The following SLC24A3 variants were observed in gnomAD, a reference collection of about 807,000 sequenced individuals.
SLC24A3 encodes the protein sodium/potassium/calcium exchanger 3.
In SLC24A3, 28 loss-of-function variants were observed where a neutral mutation model predicts 75.8. The ratio of observed to expected loss-of-function variants is 0.37; its 90% confidence interval spans 0.27 to 0.51. The LOEUF (loss-of-function observed/expected upper bound fraction) is 0.51, where lower values mean the gene tolerates loss of function less well. Among genes scored for constraint, SLC24A3 ranks in the 20% least tolerant of loss-of-function variants. The pLI is 0.94. For synonymous variants in SLC24A3, 372 were observed against 334.1 expected, an observed-to-expected ratio of 1.11 and a Z score of -1.24; for missense variants, 663 against 847.8, an observed-to-expected ratio of 0.78 and a Z score of 2.71.
intron 2 of SLC24A3, among the ~76,000 whole-genome samples, chr20:19,388,636 C>G (rs186746025): frequency 1.3e-5 from 2 of 152,124 alleles, no homozygotes; most frequent in African/African-American, 4.8e-5. Flanking sequence ...GGTGTGAACC[C>G]GGGAGATGGA....
At chr20:19,627,980 G>A (rs1019106555) in intron 6 of SLC24A3, among the ~76,000 whole-genome samples, 2 of 151,760 alleles carry the variant, frequency 1.3e-5, no homozygotes, top group Non-Finnish European at 2.9e-5. Flanking sequence ...GGCAGACCAC[G>A]AGGACAAGAG....
At chr20:19,353,190 A>ATG (rs1358417665) in intron 2 of SLC24A3, among the ~76,000 whole-genome samples, 1 of 152,186 alleles carries the variant, frequency 6.6e-6, no homozygotes, top group Non-Finnish European at 1.5e-5. Context: ...ATTTTTCAGA[A>ATG]CACGTCTTCA....
At chr20:19,391,578 A>G (rs1185693242) in intron 2 of SLC24A3, among the ~76,000 whole-genome samples, 2 of 152,202 alleles carry the variant, frequency 1.3e-5, no homozygotes, top group Admixed American at 6.5e-5. Flanking sequence ...CCTGAATCAG[A>G]ACCTCTGGGG....
chr20:19,693,481 G>A (rs1450747382), intron 13 of SLC24A3, 56 bp downstream of exon 13: 1 of 1,584,348 alleles, frequency 6.3e-7, no homozygotes, highest in East Asian at 2.2e-5. Context: ...AATAAAGAAG[G>A]GAATAAGAGT....
chr20:19,392,992 A>G (rs559911427), intron 2 of SLC24A3, among the ~76,000 whole-genome samples: 61 of 152,250 alleles, frequency 4.0e-4, no homozygotes, highest in South Asian at 1.7e-3. Flanking sequence ...CTTCCTGTCT[A>G]TCTCTTATCT....
At chr20:19,449,549 GC>G (rs1987445861) in intron 2 of SLC24A3, among the ~76,000 whole-genome samples, 1 of 152,220 alleles carries the variant, frequency 6.6e-6, no homozygotes, top group Non-Finnish European at 1.5e-5. Context: ...ACAGTGCTCA[GC>G]CCAGTGGGAT....
At chr20:19,550,789 T>C (rs1403469110) in intron 3 of SLC24A3, among the ~76,000 whole-genome samples, 1 of 152,154 alleles carries the variant, frequency 6.6e-6, no homozygotes, top group Admixed American at 6.5e-5. Flanking sequence ...ATTGAAGAAA[T>C]GTAAAGCCAG....
At chr20:19,486,468 G>T (rs537606812) in intron 2 of SLC24A3, among the ~76,000 whole-genome samples, 2 of 152,160 alleles carry the variant, frequency 1.3e-5, no homozygotes, top group African/African-American at 4.8e-5. Flanking sequence ...GAAAATTTCC[G>T]AAAGAAAGTA....
intron 6 of SLC24A3, among the ~76,000 whole-genome samples, chr20:19,597,407 TAA>T (rs1026263177): frequency 2.0e-5 from 3 of 151,992 alleles, no homozygotes; most frequent in Admixed American, 6.6e-5. Flanking sequence ...ACCCCAAAAA[TAA>T]AATAAAATAT....
chr20:19,306,935 T>G (rs537032709), intron 2 of SLC24A3, among the ~76,000 whole-genome samples: 5 of 152,284 alleles, frequency 3.3e-5, no homozygotes, highest in African/African-American at 1.2e-4. Flanking sequence ...TTTCTGTCAG[T>G]AGAGGTTTAC....
chr20:19,721,419 A>C lies in SLC24A3; in HGVS notation c.*279A>C. The stretch of plus-strand genomic sequence containing the variant: ...GCTCCATTTTTGAACAGTGACTGAG[A>C]TTCTAGAAAAACTGGCTGCTAACTG... On this transcript the variant is annotated 3_prime_UTR_variant, in exon 17 of 17. Transcript: ENST00000328041. 2.8e-6 allele frequency: 1 copy of C among 362,696 alleles called. No homozygotes were observed. The highest frequency in any genetic ancestry group is 5.0e-6 in the Non-Finnish European group (1 of 201,366). The allele number at this position is 362,696 out of a possible 1,614,324, so 22.5% of individuals were successfully genotyped here.
chr20:19,325,789 T>TAGAGAG (rs1984837211), intron 2 of SLC24A3, among the ~76,000 whole-genome samples: 1 of 92,502 alleles, frequency 1.1e-5, no homozygotes, highest in East Asian at 3.5e-4. Flanking sequence ...TATATATATA[T>TAGAGAG]ATATATAGAG....
At chr20:19,609,329 A>G (rs1312762605) in intron 6 of SLC24A3, among the ~76,000 whole-genome samples, 1 of 152,014 alleles carries the variant, frequency 6.6e-6, no homozygotes, top group Non-Finnish European at 1.5e-5. Flanking sequence ...TTTCAGTTAT[A>G]AAGACTTTTA....
chr20:19,233,315 A>G (rs773280609), intron 1 of SLC24A3, among the ~76,000 whole-genome samples: 2 of 152,220 alleles, frequency 1.3e-5, no homozygotes, highest in Non-Finnish European at 2.9e-5. Flanking sequence ...AGTTTAGGAT[A>G]GTTGTTTTGC....
intron 2 of SLC24A3, among the ~76,000 whole-genome samples, chr20:19,331,712 T>A (rs1162930105): frequency 2.0e-5 from 3 of 152,194 alleles, no homozygotes; most frequent in Non-Finnish European, 4.4e-5. Flanking sequence ...TCAGGCCCCA[T>A]CTTTCATGCT....
intron 2 of SLC24A3, among the ~76,000 whole-genome samples, chr20:19,362,629 C>T (rs1157974895): frequency 6.6e-6 from 1 of 152,132 alleles, no homozygotes; most frequent in African/African-American, 2.4e-5. Context: ...ACGAGATAGC[C>T]GATGTTTGGA....
chr20:19,703,527 G>T (rs1451684426), intron 15 of SLC24A3, among the ~76,000 whole-genome samples: 1 of 152,166 alleles, frequency 6.6e-6, no homozygotes, highest in East Asian at 1.9e-4. Flanking sequence ...TGAGATCTTT[G>T]CCATGTGTCA....
intron 2 of SLC24A3, among the ~76,000 whole-genome samples, chr20:19,508,895 C>G (rs6035360): frequency 6.6e-6 from 1 of 152,246 alleles, no homozygotes; most frequent in Non-Finnish European, 1.5e-5. Context: ...AAGCACCTGC[C>G]TAGAGGCACA....
At chr20:19,329,628 G>A (rs1984951945) in intron 2 of SLC24A3, among the ~76,000 whole-genome samples, 1 of 152,222 alleles carries the variant, frequency 6.6e-6, no homozygotes, top group Non-Finnish European at 1.5e-5. Context: ...TATTGAATTT[G>A]TTGCCTAGTT....
Sources: gnomAD v4.1 joint callset for allele counts (sites outside exome capture counted in the v4.1 genomes callset) on GRCh38, gnomAD v4.1.1 for gene constraint, MANE v1.5 for transcripts, NCBI Gene and HGNC (gene_info 2026-07-23, HGNC 2026-07-21) for gene names.